Variants in DEPDC1B observed in about 807,000 individuals in gnomAD.
The protein encoded by DEPDC1B is DEP domain-containing protein 1B.
In DEPDC1B, 51 loss-of-function variants were observed where a neutral mutation model predicts 66.5. The ratio of observed to expected loss-of-function variants is 0.77; its 90% CI spans 0.61 to 0.97. The LOEUF is 0.97. Among genes scored for constraint, DEPDC1B ranks in the 50% least tolerant of loss-of-function variants. DEPDC1B has a pLI of 0.00. For synonymous variants in DEPDC1B, 226 were observed against 223.6 expected, an observed-to-expected ratio of 1.01 and a Z score of -0.10; for missense variants, 552 against 637.1, an observed-to-expected ratio of 0.87 and a Z score of 1.44.
At chr5:60,689,917 C>A (rs976000777) in intron 1 of DEPDC1B, among the ~76,000 whole-genome samples, 1 of 152,052 alleles carries the variant, frequency 6.6e-6, no homozygotes, top group Non-Finnish European at 1.5e-5. Context: ...TGGTGTGTGC[C>A]TGTAGCTGCA....
chr5:60,637,684 C>T (rs578144371), intron 7 of DEPDC1B, among the ~76,000 whole-genome samples: 2 of 152,236 alleles, frequency 1.3e-5, no homozygotes, highest in East Asian at 3.9e-4. Flanking sequence ...GCCAAAATAC[C>T]AAGAAGGTCC....
At chr5:60,664,427 T>C (rs1217659475) in intron 2 of DEPDC1B, among the ~76,000 whole-genome samples, 1 of 152,254 alleles carries the variant, frequency 6.6e-6, no homozygotes, top group East Asian at 1.9e-4. Context: ...CTTGTGGCTG[T>C]CAGACAACCA....
chr5:60,662,043 C>A (rs1018137114), intron 2 of DEPDC1B, among the ~76,000 whole-genome samples: 2 of 152,026 alleles, frequency 1.3e-5, no homozygotes, highest in South Asian at 4.1e-4. Flanking sequence ...CTATTAAAGG[C>A]CAACTAATCT....
At chr5:60,687,927 G>C (rs1754460483) in intron 1 of DEPDC1B, 2 of 157,476 alleles carry the variant, frequency 1.3e-5, no homozygotes, top group Admixed American at 1.3e-4. Context: ...ATTTATTGAG[G>C]AGATTGCCAT....
rs752787859 is a variant in DEPDC1B at position 60,686,957 on chromosome 5, A to T, written c.314+5T>A. 1.2e-6 allele frequency: 2 copies of T among 1,613,960 alleles called. No homozygotes were observed. Among genetic ancestry groups the T allele is most frequent in the Non-Finnish European group, 8.5e-7 (1 of 1,179,838 alleles). ...TCACCTTCCAGGTTTACATGTTGCC[A>T]TTACCTGTATAAGTGACGATTGTCT... On this transcript the variant is annotated splice_donor_5th_base_variant and intron_variant, in intron 2 of 10. Transcript: ENST00000265036.
Position 60,687,136 on chromosome 5 carries a change from G to A in DEPDC1B, c.140C>T (p.Ala47Val), listed in dbSNP as rs1419020496. Residue 47 changes from alanine to valine, a missense_variant, in exon 2 of 11, where the codon GCC becomes GTC. Physicochemically the swap from Ala to Val is moderately conservative, Grantham distance 64. Transcript: ENST00000265036. ...CTCATGCAGCCAATCCACAGCTTCG[G>A]CCGCTGTGAAACAATGCTCATAGCT... ...FKSYEHCFTA[A>V]EAVDWLHELL... 1 of 1,614,168 alleles carries A rather than the reference G, an allele frequency of 6.2e-7. No individual in the cohort carries two copies. Among genetic ancestry groups the A allele is most frequent in the East Asian group, 2.2e-5 (1 of 44,884 alleles).
intron 7 of DEPDC1B, among the ~76,000 whole-genome samples, chr5:60,624,668 T>G (rs1333075000): frequency 1.3e-5 from 2 of 152,200 alleles, no homozygotes; most frequent in Admixed American, 6.5e-5. Context: ...ACAATTTCAA[T>G]CATTTTAAAT....
In DEPDC1B at chr5:60,641,349, C is replaced by CTTT. The variant is rs11326495; in HGVS notation, c.757+1460_757+1462dup. ...ATGTTCATTCCTAGCTGATCAACTTCTTTTTTTTTTTTTTTTTGAGACGGA... is the reference window on the plus strand; with the variant it reads ...ATGTTCATTCCTAGCTGATCAACTTCTTTTTTTTTTTTTTTTTTTTGAGACGGA... On this transcript the variant is annotated intron_variant, in intron 6 of 10. Coordinates refer to ENST00000265036, the MANE Select transcript of DEPDC1B (RefSeq NM_018369.3). Among the ~76,000 whole-genome samples the CTTT allele has an allele frequency of 7.0e-5, 9 of 128,646 alleles. No homozygotes were observed. In the East Asian group the frequency reaches 1.4e-3, roughly 19 times the overall value. The allele number at this position is 128,646 out of a possible 152,430, so 84.4% of individuals were successfully genotyped here. A position where few individuals can be genotyped will look rare whatever the true frequency, so the allele number is the denominator to read the frequency against.
Position 60,599,192 on chromosome 5 carries a change from T to C in DEPDC1B, c.1311A>G (p.Pro437=), listed in dbSNP as rs145134792. Residue 437 remains proline (P), a synonymous_variant, in exon 10 of 11, where the codon CCA becomes CCG. Coordinates refer to ENST00000265036, the MANE Select transcript of DEPDC1B (RefSeq NM_018369.3). ...ATGATCTTTGATATTCAAATTCCTCTGGACTAATTTGACGGCAAAATGATG... is the reference window on the plus strand; with the variant it reads ...ATGATCTTTGATATTCAAATTCCTCCGGACTAATTTGACGGCAAAATGATG... ...SAPSFCRQIS[P]EEFEYQRSYG... is the part of the protein sequence containing the mutation. 1.8e-4 allele frequency: 290 copies of C among 1,612,858 alleles called. 2 individuals are homozygous for C. In the African/African-American group the frequency reaches 2.3e-3, roughly 13 times the overall value.
intron 7 of DEPDC1B, among the ~76,000 whole-genome samples, chr5:60,624,407 T>G (rs1752768959): frequency 6.6e-6 from 1 of 152,210 alleles, no homozygotes; most frequent in African/African-American, 2.4e-5. Flanking sequence ...AAATTTAATG[T>G]ATTTTTGCAT....
At chr5:60,697,101 C>T (rs1356067400) in intron 1 of DEPDC1B, among the ~76,000 whole-genome samples, 2 of 152,140 alleles carry the variant, frequency 1.3e-5, no homozygotes, top group African/African-American at 4.8e-5. Flanking sequence ...AAATTTTTCT[C>T]TCTACTTGAA....
At chr5:60,647,652 C>T (rs1178453657) in intron 2 of DEPDC1B, 119 bp from the exon 3 acceptor site, 1 of 1,106,434 alleles carries the variant, frequency 9.0e-7, no homozygotes, top group Non-Finnish European at 1.3e-6. Flanking sequence ...AATATTTATA[C>T]AATAATTACA....
chr5:60,603,506 A>AC lies in DEPDC1B; in HGVS notation c.1126_1127insG (p.Leu376CysfsTer5). The AC allele has an allele frequency of 6.2e-7, 1 of 1,611,196 alleles. No homozygotes were observed. Among genetic ancestry groups the AC allele is most frequent in the South Asian group, 1.1e-5 (1 of 90,294 alleles). On this transcript the variant is annotated frameshift_variant, in exon 9 of 11. Coordinates refer to ENST00000265036, the MANE Select transcript of DEPDC1B (RefSeq NM_018369.3). LOFTEE classifies it high-confidence loss of function. ...AAACGTTACCAATCTAGCAGCTAAT[A>AC]ACTCATCCAAGTCCACTTCATCCTT...
chr5:60,603,446 G>C lies in DEPDC1B; in HGVS notation c.1187C>G (p.Pro396Arg), dbSNP rs373301969. 9 of 1,612,478 alleles carry C rather than the reference G, an allele frequency of 5.6e-6. No individual in the cohort carries two copies. Among genetic ancestry groups the C allele is most frequent in the Non-Finnish European group, 7.6e-6 (9 of 1,179,398 alleles). Reference protein sequence around the residue: ...MDNYQEILKVPLALQTSIEER... With the variant: ...MDNYQEILKVRLALQTSIEER... ...CTCTATAGAGGTCTGCAAGGCCAAA[G>C]GGACTTTCAGAATTTCCTGGTAATT... Residue 396 changes from proline to arginine, a missense_variant, in exon 9 of 11, where the codon CCT becomes CGT. Physicochemically the swap from Pro to Arg is moderately radical, Grantham distance 103. Coordinates refer to ENST00000265036, the MANE Select transcript of DEPDC1B (RefSeq NM_018369.3).
chr5:60,671,393 G>C lies in DEPDC1B; in HGVS notation c.314+15569C>G, dbSNP rs374053494. On this transcript the variant is annotated intron_variant, in intron 2 of 10. Coordinates refer to ENST00000265036, the MANE Select transcript of DEPDC1B (RefSeq NM_018369.3). ...CACATTTCCCTCCAAGAAGCCAACA[G>C]CTCCCAGCTGCTCTACCTTTCACAC... Among the ~76,000 whole-genome samples, 401 of 152,310 alleles carry C rather than the reference G, an allele frequency of 2.6e-3. 1 individual carries two copies. Among genetic ancestry groups the C allele is most frequent in the Middle Eastern group, 0.02 (6 of 294 alleles).
chr5:60,690,160 T>C (rs1754509588), intron 1 of DEPDC1B, among the ~76,000 whole-genome samples: 2 of 152,222 alleles, frequency 1.3e-5, no homozygotes, highest in African/African-American at 4.8e-5. Context: ...AAGCATTTTA[T>C]ATACTTATAA....
intron 2 of DEPDC1B, among the ~76,000 whole-genome samples, chr5:60,656,493 T>C (rs1288053381): frequency 6.6e-6 from 1 of 152,138 alleles, no homozygotes; most frequent in Non-Finnish European, 1.5e-5. Context: ...ATGATTTGTT[T>C]AGTGCTGCCA....
chr5:60,693,472 A>G (rs1025583964), intron 1 of DEPDC1B, among the ~76,000 whole-genome samples: 1 of 152,190 alleles, frequency 6.6e-6, no homozygotes, highest in African/African-American at 2.4e-5. Context: ...TGAGATCATG[A>G]CTATAAAAGT....
At chr5:60,684,806 T>G (rs1272543215) in intron 2 of DEPDC1B, among the ~76,000 whole-genome samples, 1 of 152,164 alleles carries the variant, frequency 6.6e-6, no homozygotes, top group Non-Finnish European at 1.5e-5. Flanking sequence ...ACCCGTAGAA[T>G]GGGAGAAAAT....
Sources: allele counts gnomAD v4.1 joint callset (sites outside exome capture counted in the v4.1 genomes callset), GRCh38; gene constraint gnomAD v4.1.1; transcripts MANE v1.5; gene names NCBI Gene and HGNC (gene_info 2026-07-23, HGNC 2026-07-21).